The following GRIP1 variants were observed in gnomAD, a reference collection of about 807,000 sequenced individuals.
The protein encoded by GRIP1 is glutamate receptor-interacting protein 1.
GRIP1 carries 45 observed loss-of-function variants against 129.9 expected under a neutral mutation model. That is an observed-to-expected ratio of 0.35 (90% CI 0.27 to 0.44). The LOEUF is 0.44. Ranked by LOEUF, GRIP1 falls within the 20% of genes least tolerant of loss-of-function variation. The pLI is 1.00. For missense variants in GRIP1, 1,196 were observed against 1,396.8 expected (o/e 0.86, Z 2.29); for synonymous variants, 530 against 520.8 (o/e 1.02, Z -0.24).
intron 15 of GRIP1, among the ~76,000 whole-genome samples, chr12:66,415,944 A>G (rs1268459718): frequency 6.6e-6 from 1 of 152,188 alleles, no homozygotes; most frequent in African/African-American, 2.4e-5. Context: ...GAGGGAGACC[A>G]TCAGGAAGAA....
intron 1 of GRIP1, among the ~76,000 whole-genome samples, chr12:67,041,288 AAAT>A (rs2043175648): frequency 6.6e-6 from 1 of 152,126 alleles, no homozygotes; most frequent in African/African-American, 2.4e-5. Context: ...ATACACACAC[AAAT>A]ATATATACAC....
intron 14 of GRIP1, among the ~76,000 whole-genome samples, chr12:66,423,635 TG>T (rs1260435094): frequency 6.6e-6 from 1 of 152,204 alleles, no homozygotes; most frequent in Non-Finnish European, 1.5e-5. Flanking sequence ...GCCTCTGCTC[TG>T]GGCACTGGCT....
chr12:67,027,322 G>A lies in GRIP1; in HGVS notation c.58+41728C>T, dbSNP rs371358888. 7.2e-5 allele frequency among the ~76,000 whole-genome samples: 11 copies of A among 152,300 alleles called. No individual in the cohort carries two copies. In the Middle Eastern group the frequency reaches 0.02, roughly 283 times the overall value. ...CTGCAGCACTTTCCTATCACCACACGTGGTCACTGGCTTGTGATAGTTGTC... is the reference window on the plus strand; with the variant it reads ...CTGCAGCACTTTCCTATCACCACACATGGTCACTGGCTTGTGATAGTTGTC... On this transcript the variant is annotated intron_variant, in intron 1 of 1. Coordinates refer to the GRIP1 transcript ENST00000643019.
chr12:66,623,343 T>C (rs1176683438), intron 1 of GRIP1, among the ~76,000 whole-genome samples: 2 of 152,180 alleles, frequency 1.3e-5, no homozygotes, highest in Non-Finnish European at 2.9e-5. Flanking sequence ...CATTCTTATC[T>C]GCAGTATTCA....
intron 2 of GRIP1, among the ~76,000 whole-genome samples, chr12:66,594,281 G>T (rs1433161586): frequency 2.6e-5 from 4 of 151,842 alleles, no homozygotes; most frequent in South Asian, 4.2e-4. Flanking sequence ...ATGCTACCGG[G>T]GTGTTAAAAA....
At chr12:67,065,021 C>T (rs1257943582) in intron 1 of GRIP1, 4 of 149,588 alleles carry the variant, frequency 2.7e-5, no homozygotes, top group Non-Finnish European at 5.9e-5. Context: ...TTTGTTCTTG[C>T]GATAGTTTAC....
At chr12:67,043,183 A>G (rs563071799) in intron 1 of GRIP1, among the ~76,000 whole-genome samples, 1 of 152,280 alleles carries the variant, frequency 6.6e-6, no homozygotes, top group East Asian at 1.9e-4. Flanking sequence ...ATTGAAATTG[A>G]TGTAGCACCT....
intron 1 of GRIP1, among the ~76,000 whole-genome samples, chr12:66,664,804 T>TA (rs1476523773): frequency 6.6e-6 from 1 of 152,194 alleles, no homozygotes; most frequent in African/African-American, 2.4e-5. Flanking sequence ...TTAGTAATGT[T>TA]AATATTACTT....
At chr12:66,676,384 G>T (rs2034331752) in intron 1 of GRIP1, among the ~76,000 whole-genome samples, 2 of 152,054 alleles carry the variant, frequency 1.3e-5, no homozygotes, top group Non-Finnish European at 2.9e-5. Flanking sequence ...TTTCTTGTGG[G>T]TGATATCAAC....
At chr12:66,878,519 A>G (rs2040420218) in intron 1 of GRIP1, among the ~76,000 whole-genome samples, 1 of 151,968 alleles carries the variant, frequency 6.6e-6, no homozygotes, top group Admixed American at 6.6e-5. Flanking sequence ...GAGAAGGGAG[A>G]CTGCAGAGGC....
At chr12:66,565,165 T>G (rs189435190) in intron 2 of GRIP1, among the ~76,000 whole-genome samples, 2,580 of 152,326 alleles carry the variant, frequency 0.017, 66 homozygotes, top group African/African-American at 0.059. Context: ...TTGTTGCCAT[T>G]GCTTTTGGTG....
At chr12:66,711,407 AATC>A (rs1261188222) in intron 1 of GRIP1, among the ~76,000 whole-genome samples, 5 of 151,910 alleles carry the variant, frequency 3.3e-5, no homozygotes, top group Non-Finnish European at 7.4e-5. Flanking sequence ...AGCATAATTA[AATC>A]ATCAAGAAAG....
chr12:66,676,029 T>A (rs963859824), intron 1 of GRIP1, among the ~76,000 whole-genome samples: 8 of 152,192 alleles, frequency 5.3e-5, no homozygotes, highest in African/African-American at 7.2e-5. Flanking sequence ...AGTGTCTATG[T>A]GGAGTGATCC....
At chr12:66,986,156 T>A (rs1425595101) in intron 1 of GRIP1, among the ~76,000 whole-genome samples, 1 of 152,124 alleles carries the variant, frequency 6.6e-6, no homozygotes, top group Non-Finnish European at 1.5e-5. Context: ...AAAATTCTTA[T>A]CTAAAAATCA....
chr12:66,536,817 T>C (rs115946174), intron 4 of GRIP1, among the ~76,000 whole-genome samples: 2,496 of 152,318 alleles, frequency 0.016, 63 homozygotes, highest in African/African-American at 0.056. Context: ...GGCTGGAACA[T>C]AGTAAATGCT....
At chr12:66,430,892 C>T (rs995283111) in intron 14 of GRIP1, among the ~76,000 whole-genome samples, 2 of 152,030 alleles carry the variant, frequency 1.3e-5, no homozygotes, top group African/African-American at 2.4e-5. Flanking sequence ...TAAAATTTAG[C>T]CTAGGGCTTA....
intron 1 of GRIP1, among the ~76,000 whole-genome samples, chr12:66,797,943 C>G (rs766604890): frequency 6.6e-6 from 1 of 152,058 alleles, no homozygotes; most frequent in East Asian, 1.9e-4. Context: ...AAGACTAAAA[C>G]GTGGTAGTTT....
In GRIP1 at chr12:66,493,147, A is replaced by T. The variant is rs539217590; in HGVS notation, c.724+22472T>A. On this transcript the variant is annotated intron_variant, in intron 7 of 24. Transcript: ENST00000359742. ...ATCATGCCATTTTCTTGCTCACAAA[A>T]CCCCTCTGGGATGGGCCTGGGCATT... is the stretch of plus-strand genomic sequence containing the variant. Among the ~76,000 whole-genome samples, 245 of 152,226 alleles carry T rather than the reference A, an allele frequency of 1.6e-3. 2 individuals carry two copies. The highest frequency in any genetic ancestry group is 5.5e-3 in the African/African-American group (229 of 41,530).
At chr12:67,054,364 TG>T (rs1468969644) in intron 1 of GRIP1, among the ~76,000 whole-genome samples, 1 of 152,242 alleles carries the variant, frequency 6.6e-6, no homozygotes, top group Non-Finnish European at 1.5e-5. Flanking sequence ...TAAAAATTCC[TG>T]CTTTCAAGTG....
Sources: allele counts gnomAD v4.1 joint callset (sites outside exome capture counted in the v4.1 genomes callset), GRCh38; gene constraint gnomAD v4.1.1; transcripts MANE v1.5; gene names NCBI Gene and HGNC (gene_info 2026-07-23, HGNC 2026-07-21).